RBFOX1: variants seen among roughly 807,000 people sequenced by gnomAD.
RBFOX1 encodes RNA binding protein fox-1 homolog 1.
Under a neutral mutation model 57.7 loss-of-function variants are expected in RBFOX1, and 8 were observed. The ratio of observed to expected loss-of-function variants is 0.14; its 90% CI spans 0.08 to 0.25. The LOEUF is 0.25. RBFOX1 is among the 10% of genes least tolerant of loss of function. The pLI is 1.00. For synonymous variants in RBFOX1, 326 were observed against 222.4 expected (o/e 1.47, Z -4.15); for missense variants, 611 against 548.5 (o/e 1.11, Z -1.14).
intron 1 of RBFOX1, among the ~76,000 whole-genome samples, chr16:6,186,084 AT>A (rs1462271953): frequency 1.3e-5 from 2 of 151,950 alleles, no homozygotes; most frequent in African/African-American, 4.8e-5. Flanking sequence ...TTTGAAAAAT[AT>A]TTTTTTCTGA....
At chr16:6,644,219 G>A (rs1008703490) in intron 2 of RBFOX1, among the ~76,000 whole-genome samples, 1 of 152,150 alleles carries the variant, frequency 6.6e-6, no homozygotes, top group Non-Finnish European at 1.5e-5. Context: ...ATTAGAAGCC[G>A]TTGTTATTTT....
intron 3 of RBFOX1, among the ~76,000 whole-genome samples, chr16:5,813,904 A>T (rs1366808294): frequency 6.6e-6 from 1 of 152,268 alleles, no homozygotes; most frequent in Non-Finnish European, 1.5e-5. Context: ...GAATTATAAT[A>T]GATGAAATTT....
intron 2 of RBFOX1, among the ~76,000 whole-genome samples, chr16:5,557,661 G>C (rs1250787942): frequency 6.6e-6 from 1 of 152,180 alleles, no homozygotes; most frequent in Non-Finnish European, 1.5e-5. Flanking sequence ...GTGTGATCTA[G>C]TTCTTAGAAA....
At chr16:7,648,270 A>T (rs2144238753) in intron 11 of RBFOX1, among the ~76,000 whole-genome samples, 1 of 152,214 alleles carries the variant, frequency 6.6e-6, no homozygotes, top group Non-Finnish European at 1.5e-5. Flanking sequence ...CCCAGGCTGG[A>T]GTGCATTGGC....
In RBFOX1 at chr16:5,784,057, G is replaced by T. The variant is rs575390704; in HGVS notation, c.319-83246G>T. 1.1e-3 allele frequency among the ~76,000 whole-genome samples: 170 copies of T among 152,264 alleles called. 1 individual carries two copies. Among genetic ancestry groups the T allele is most frequent in the African/African-American group, 3.7e-3 (152 of 41,542 alleles). On this transcript the variant is annotated intron_variant, in intron 3 of 19. Transcript: ENST00000641259. ...TAGTTCATGGTTCTGCAGGCTGTAC[G>T]GGAAGCATAGAGGCCTCTGCTTGGC... is the stretch of plus-strand genomic sequence containing the variant.
At chr16:7,384,606 A>G (rs1253550353) in intron 4 of RBFOX1, among the ~76,000 whole-genome samples, 2 of 152,122 alleles carry the variant, frequency 1.3e-5, no homozygotes, top group African/African-American at 4.8e-5. Context: ...GAGAGGGGTC[A>G]TGGAGTGAAC....
At chr16:5,782,450 G>C (rs188070385) in intron 3 of RBFOX1, among the ~76,000 whole-genome samples, 2 of 152,260 alleles carry the variant, frequency 1.3e-5, no homozygotes, top group South Asian at 4.2e-4. Flanking sequence ...TATGATTTAC[G>C]CATGTCCCAG....
At chr16:7,421,494 C>T (rs1161958809) in intron 4 of RBFOX1, among the ~76,000 whole-genome samples, 1 of 152,202 alleles carries the variant, frequency 6.6e-6, no homozygotes, top group African/African-American at 2.4e-5. Flanking sequence ...GCAATAGTGA[C>T]ATTTCCCAGG....
At chr16:5,645,344 A>G (rs894061636) in intron 3 of RBFOX1, among the ~76,000 whole-genome samples, 2 of 152,132 alleles carry the variant, frequency 1.3e-5, no homozygotes, top group Admixed American at 6.5e-5. Context: ...TTCCATTTAT[A>G]TGAAGCATCT....
At chr16:5,513,662 A>C (rs8063331) in intron 2 of RBFOX1, among the ~76,000 whole-genome samples, 39,836 of 152,128 alleles carry the variant, frequency 0.26, 5,525 homozygotes, top group Non-Finnish European at 0.31. Flanking sequence ...TTATTTATTC[A>C]ATCATTTATT....
intron 4 of RBFOX1, among the ~76,000 whole-genome samples, chr16:7,423,241 C>G (rs2098561170): frequency 6.6e-6 from 1 of 152,064 alleles, no homozygotes; most frequent in Admixed American, 6.5e-5. Flanking sequence ...GTACCTGTAT[C>G]CAACCCCATT....
chr16:6,235,939 CT>C, intron 1 of RBFOX1, among the ~76,000 whole-genome samples: 1 of 152,068 alleles, frequency 6.6e-6, no homozygotes, highest in Non-Finnish European at 1.5e-5. Context: ...GCCCCAAAAT[CT>C]CACAAATCAC....
chr16:7,163,278 G>A (rs1351345803), intron 4 of RBFOX1, among the ~76,000 whole-genome samples: 1 of 152,160 alleles, frequency 6.6e-6, no homozygotes, highest in Non-Finnish European at 1.5e-5. Context: ...AGGGGCAGGG[G>A]GTTGTATAAA....
At chr16:7,123,619 C>G (rs891382261) in intron 4 of RBFOX1, among the ~76,000 whole-genome samples, 1 of 152,146 alleles carries the variant, frequency 6.6e-6, no homozygotes, top group African/African-American at 2.4e-5. Context: ...CCTGCCTCAA[C>G]TTCTCAGAGT....
At chr16:6,055,448 C>T (rs1212514263) in intron 1 of RBFOX1, among the ~76,000 whole-genome samples, 2 of 151,700 alleles carry the variant, frequency 1.3e-5, no homozygotes, top group African/African-American at 2.4e-5. Flanking sequence ...CAAAAATTAG[C>T]GAGGTGTTGT....
At chr16:6,109,721 G>T (rs1021451684) in intron 1 of RBFOX1, among the ~76,000 whole-genome samples, 2 of 152,098 alleles carry the variant, frequency 1.3e-5, no homozygotes, top group Non-Finnish European at 2.9e-5. Flanking sequence ...GGGGATAGTA[G>T]AATATTTTAT....
At chr16:6,415,376 C>T (rs964382797) in intron 2 of RBFOX1, among the ~76,000 whole-genome samples, 3 of 151,750 alleles carry the variant, frequency 2.0e-5, no homozygotes, top group Non-Finnish European at 4.4e-5. Flanking sequence ...GCTCATACAG[C>T]TAGGAAGAAG....
At chr16:6,496,156 A>C (rs2095762720) in intron 2 of RBFOX1, among the ~76,000 whole-genome samples, 1 of 152,204 alleles carries the variant, frequency 6.6e-6, no homozygotes, top group African/African-American at 2.4e-5. Flanking sequence ...CATGGCTTAC[A>C]GCATTGGTAT....
chr16:5,813,379 C>T (rs565146909), intron 3 of RBFOX1, among the ~76,000 whole-genome samples: 3 of 152,288 alleles, frequency 2.0e-5, no homozygotes, highest in Non-Finnish European at 2.9e-5. Context: ...AACTCGTACC[C>T]ATTAAGCATT....
Sources: gnomAD v4.1 joint callset for allele counts (sites outside exome capture counted in the v4.1 genomes callset) on GRCh38, gnomAD v4.1.1 for gene constraint, MANE v1.5 for transcripts, NCBI Gene and HGNC (gene_info 2026-07-23, HGNC 2026-07-21) for gene names.